The following FAF1 variants were observed in gnomAD, a reference collection of about 807,000 sequenced individuals.
The protein encoded by FAF1 is Fas associated factor 1.
A neutral mutation model predicts 92.5 loss-of-function variants in FAF1; 25 were observed. The observed-to-expected ratio is 0.27, with a 90% CI of 0.20 to 0.38. FAF1 has a LOEUF of 0.38. FAF1 is among the 10% of genes least tolerant of loss of function. The pLI is 1.00. For synonymous variants in FAF1, 234 were observed against 273.2 expected, an observed-to-expected ratio of 0.86 and a Z score of 1.42; for missense variants, 636 against 793.3, an observed-to-expected ratio of 0.80 and a Z score of 2.38.
chr1:50,847,039 T>A (rs1287141465), intron 2 of FAF1, among the ~76,000 whole-genome samples: 1 of 152,246 alleles, frequency 6.6e-6, no homozygotes, highest in East Asian at 1.9e-4. Flanking sequence ...AGCTTCTCTG[T>A]AATCTGTGAT....
At chr1:50,497,724 A>G (rs1646918366) in intron 15 of FAF1, among the ~76,000 whole-genome samples, 2 of 151,210 alleles carry the variant, frequency 1.3e-5, no homozygotes, top group African/African-American at 4.9e-5. Flanking sequence ...AATATTTTGT[A>G]TTTTTAGTAG....
intron 8 of FAF1, among the ~76,000 whole-genome samples, chr1:50,627,769 T>C (rs1193718024): frequency 6.6e-6 from 1 of 152,176 alleles, no homozygotes; most frequent in Non-Finnish European, 1.5e-5. Context: ...CAGTATTTAC[T>C]TTTAAAAATT....
At chr1:50,662,908 A>C (rs1204466626) in intron 7 of FAF1, among the ~76,000 whole-genome samples, 1 of 151,350 alleles carries the variant, frequency 6.6e-6, no homozygotes, top group Admixed American at 6.6e-5. Context: ...CACCATTCAC[A>C]GGATGGTCTC....
At chr1:50,785,243 C>G (rs1314945683) in intron 4 of FAF1, among the ~76,000 whole-genome samples, 1 of 149,480 alleles carries the variant, frequency 6.7e-6, no homozygotes, top group East Asian at 2.0e-4. Context: ...TTGGAAATGA[C>G]TCCAAAAGCA....
intron 1 of FAF1, among the ~76,000 whole-genome samples, chr1:50,950,084 C>G (rs750098172): frequency 6.6e-6 from 1 of 152,240 alleles, no homozygotes; most frequent in East Asian, 1.9e-4. Context: ...CAAGTGATCC[C>G]GTGCCTCTTC....
intron 15 of FAF1, among the ~76,000 whole-genome samples, chr1:50,526,447 A>C (rs1426237998): frequency 6.6e-6 from 1 of 150,668 alleles, no homozygotes; most frequent in African/African-American, 2.5e-5. Flanking sequence ...AATAATAATA[A>C]TATTTATTAT....
intron 8 of FAF1, among the ~76,000 whole-genome samples, chr1:50,618,414 G>GT (rs540421778): frequency 0.36 from 40,665 of 111,776 alleles, 8,367 homozygotes; most frequent in Middle Eastern, 0.46. Flanking sequence ...AGTTTTTAGA[G>GT]TTTTTTTTTT....
At chr1:50,503,832 A>G (rs927985991) in intron 15 of FAF1, among the ~76,000 whole-genome samples, 3 of 152,172 alleles carry the variant, frequency 2.0e-5, no homozygotes. Context: ...TAGAAAACGC[A>G]AACAAATCTA....
rs12093266 is a variant in FAF1, at chr1:50,888,284, G to A, written c.46-30287C>T. On this transcript the variant is annotated intron_variant, in intron 1 of 18. Coordinates refer to ENST00000396153, the MANE Select transcript of FAF1 (RefSeq NM_007051.3). ...CCTTAAGGAGATTTTGGGCTGAGAC[G>A]ATGGGGTTTTCTAAATATACAATCA... Among the ~76,000 whole-genome samples the A allele has an allele frequency of 9.9e-3, 1,511 of 152,246 alleles. 22 individuals carry two copies. The highest frequency in any genetic ancestry group is 0.034 in the African/African-American group (1,430 of 41,540).
chr1:50,946,262 G>A (rs904663986), intron 1 of FAF1, among the ~76,000 whole-genome samples: 2 of 152,206 alleles, frequency 1.3e-5, no homozygotes, highest in African/African-American at 4.8e-5. Context: ...ATCTCCCTAA[G>A]TTGTTACACT....
chr1:50,579,098 G>C (rs1650879462), intron 12 of FAF1, among the ~76,000 whole-genome samples: 1 of 151,906 alleles, frequency 6.6e-6, no homozygotes, highest in South Asian at 2.1e-4. Context: ...ACTAAGAAAA[G>C]CAAACAATCA....
intron 9 of FAF1, among the ~76,000 whole-genome samples, chr1:50,590,727 A>G (rs1337819592): frequency 1.3e-5 from 2 of 151,998 alleles, no homozygotes; most frequent in Non-Finnish European, 2.9e-5. Context: ...CACGCCTGTA[A>G]TCCCAGCACT....
At chr1:50,566,664 A>G (rs1650186770) in intron 13 of FAF1, among the ~76,000 whole-genome samples, 1 of 152,106 alleles carries the variant, frequency 6.6e-6, no homozygotes. Context: ...TACCAACTCC[A>G]CTGGACTTGT....
At chr1:50,840,107 C>T (rs904440705) in intron 2 of FAF1, among the ~76,000 whole-genome samples, 13 of 151,870 alleles carry the variant, frequency 8.6e-5, no homozygotes, top group Non-Finnish European at 1.6e-4. Flanking sequence ...CAAAAATTAC[C>T]TCAAAATGTA....
intron 15 of FAF1, among the ~76,000 whole-genome samples, chr1:50,506,807 T>C (rs544716411): frequency 6.6e-6 from 1 of 152,202 alleles, no homozygotes. Flanking sequence ...GAAGTGACCA[T>C]ATATACAACA....
At chr1:50,710,210 G>C (rs989649443) in intron 6 of FAF1, among the ~76,000 whole-genome samples, 1 of 152,138 alleles carries the variant, frequency 6.6e-6, no homozygotes, top group African/African-American at 2.4e-5. Context: ...CAATTCCTTA[G>C]ATATGTCTCT....
intron 9 of FAF1, 25 bp downstream of exon 9, chr1:50,596,096 A>C (rs1414656457): frequency 2.5e-6 from 4 of 1,570,864 alleles, no homozygotes; most frequent in Non-Finnish European, 3.5e-6. Flanking sequence ...CTTCTGTTCA[A>C]AGAAAAGCTG....
intron 9 of FAF1, among the ~76,000 whole-genome samples, chr1:50,589,995 TG>T (rs1410058257): frequency 3.3e-5 from 5 of 152,236 alleles, no homozygotes; most frequent in Admixed American, 3.3e-4. Context: ...CATAATATGC[TG>T]GTATGTTGGG....
At chr1:50,483,853 G>C (rs1646728662) in intron 17 of FAF1, among the ~76,000 whole-genome samples, 1 of 152,170 alleles carries the variant, frequency 6.6e-6, no homozygotes, top group African/African-American at 2.4e-5. Context: ...CAACTGGAAA[G>C]ATTTTCCATT....
Sources: gnomAD v4.1 joint callset for allele counts (sites outside exome capture counted in the v4.1 genomes callset) on GRCh38, gnomAD v4.1.1 for gene constraint, MANE v1.5 for transcripts, NCBI Gene and HGNC (gene_info 2026-07-23, HGNC 2026-07-21) for gene names.